MACROD2: variants seen among roughly 807,000 people sequenced by gnomAD.
MACROD2 encodes ADP-ribose glycohydrolase MACROD2.
In MACROD2, 36 loss-of-function variants were observed where a neutral mutation model predicts 70.4. The ratio of observed to expected loss-of-function variants is 0.51; its 90% CI spans 0.39 to 0.68. The LOEUF (loss-of-function observed/expected upper bound fraction) is 0.68, where lower values mean the gene tolerates loss of function less well. Among genes scored for constraint, MACROD2 ranks in the 30% least tolerant of loss-of-function variants. MACROD2 has a pLI of 0.00. For synonymous variants in MACROD2, 172 were observed against 178.8 expected (o/e 0.96, Z 0.30); for missense variants, 496 against 538.4 (o/e 0.92, Z 0.78).
chr20:14,975,395 G>T (rs1199457060), intron 5 of MACROD2, among the ~76,000 whole-genome samples: 2 of 152,112 alleles, frequency 1.3e-5, no homozygotes, highest in African/African-American at 2.4e-5. Flanking sequence ...GAAAGGAGTA[G>T]ATCAGACGGC....
intron 5 of MACROD2, among the ~76,000 whole-genome samples, chr20:14,747,571 G>A (rs2071815455): frequency 6.6e-6 from 1 of 152,106 alleles, no homozygotes; most frequent in Non-Finnish European, 1.5e-5. Flanking sequence ...GCTTGGTAAA[G>A]AGCAGGCATT....
intron 2 of MACROD2, among the ~76,000 whole-genome samples, chr20:14,042,777 C>T (rs773840777): frequency 3.3e-5 from 5 of 152,000 alleles, no homozygotes; most frequent in Non-Finnish European, 1.5e-5. Flanking sequence ...TGAGATTATA[C>T]GTGTGCGCCA....
intron 6 of MACROD2, among the ~76,000 whole-genome samples, chr20:15,248,930 G>A (rs1441802613): frequency 6.6e-6 from 1 of 152,150 alleles, no homozygotes; most frequent in African/African-American, 2.4e-5. Context: ...AATTTATTGG[G>A]TAGTTCATTT....
intron 8 of MACROD2, among the ~76,000 whole-genome samples, chr20:15,713,341 C>T (rs1236806272): frequency 1.3e-5 from 2 of 152,202 alleles, no homozygotes; most frequent in Non-Finnish European, 2.9e-5. Flanking sequence ...TAGTTCTGGG[C>T]TTCAGCTCTG....
intron 3 of MACROD2, among the ~76,000 whole-genome samples, chr20:14,403,914 A>C (rs960801882): frequency 1.1e-4 from 17 of 152,142 alleles, no homozygotes; most frequent in African/African-American, 4.1e-4. Context: ...CTATTGGAAA[A>C]ATCAGATATA....
intron 2 of MACROD2, chr20:14,003,807 A>G (rs1279490183): frequency 1.1e-5 from 4 of 373,944 alleles, no homozygotes; most frequent in Admixed American, 6.8e-5. Flanking sequence ...TGGTTAAGAC[A>G]TCATTGAAAG....
intron 15 of MACROD2, among the ~76,000 whole-genome samples, chr20:16,022,811 A>G (rs889255663): frequency 2.0e-5 from 3 of 152,220 alleles, no homozygotes; most frequent in Non-Finnish European, 4.4e-5. Context: ...GAGCTATATT[A>G]TAAGACCTGA....
chr20:15,045,700 A>C (rs531957025), intron 5 of MACROD2, among the ~76,000 whole-genome samples: 1 of 142,574 alleles, frequency 7.0e-6, no homozygotes, highest in East Asian at 2.0e-4. Context: ...TTTCTCTGAT[A>C]ATTTCTCTCC....
At chr20:14,764,549 G>A (rs981501033) in intron 5 of MACROD2, among the ~76,000 whole-genome samples, 1 of 151,994 alleles carries the variant, frequency 6.6e-6, no homozygotes, top group Non-Finnish European at 1.5e-5. Flanking sequence ...ACAGATTGTG[G>A]CCCGTAAACT....
At chr20:14,897,141 T>A (rs971151981) in intron 5 of MACROD2, among the ~76,000 whole-genome samples, 4 of 152,038 alleles carry the variant, frequency 2.6e-5, no homozygotes, top group Admixed American at 2.6e-4. Flanking sequence ...GTACGAAAAA[T>A]GATTATAAGA....
At chr20:15,052,632 T>A (rs1243896489) in intron 5 of MACROD2, among the ~76,000 whole-genome samples, 1 of 152,204 alleles carries the variant, frequency 6.6e-6, no homozygotes, top group African/African-American at 2.4e-5. Context: ...GTCATTCCCC[T>A]GTCTGTCTCC....
At chr20:15,747,387 G>A (rs2051199875) in intron 8 of MACROD2, among the ~76,000 whole-genome samples, 1 of 152,074 alleles carries the variant, frequency 6.6e-6, no homozygotes. Context: ...GTAAACGTTT[G>A]GTAATCACCT....
chr20:14,583,244 A>T (rs1477365696), intron 4 of MACROD2, among the ~76,000 whole-genome samples: 1 of 152,108 alleles, frequency 6.6e-6, no homozygotes, highest in Non-Finnish European at 1.5e-5. Flanking sequence ...GCCTTCTTTT[A>T]TGTTGCTGGA....
chr20:14,265,707 GT>G (rs1353592301), intron 3 of MACROD2, among the ~76,000 whole-genome samples: 1 of 149,122 alleles, frequency 6.7e-6, no homozygotes, highest in African/African-American at 2.5e-5. Context: ...AAAAACGCTT[GT>G]TTTCTTTGTG....
intron 5 of MACROD2, among the ~76,000 whole-genome samples, chr20:14,714,455 C>T (rs2071374298): frequency 6.6e-6 from 1 of 152,148 alleles, no homozygotes. Context: ...ATTGTCACCT[C>T]CTGCAAAAGA....
intron 5 of MACROD2, among the ~76,000 whole-genome samples, chr20:14,855,602 T>TG (rs2073245799): frequency 3.4e-5 from 2 of 59,128 alleles, no homozygotes; most frequent in African/African-American, 1.1e-4. Context: ...ACCAAGTTTT[T>TG]TTTTTTTTTT....
At chr20:15,799,318 T>C (rs2147068931) in intron 8 of MACROD2, among the ~76,000 whole-genome samples, 1 of 152,342 alleles carries the variant, frequency 6.6e-6, no homozygotes, top group South Asian at 2.1e-4. Flanking sequence ...CTTCTAGCTA[T>C]TTTTAATTAG....
intron 6 of MACROD2, among the ~76,000 whole-genome samples, chr20:15,339,336 G>A (rs1174359128): frequency 6.6e-6 from 1 of 151,760 alleles, no homozygotes; most frequent in Non-Finnish European, 1.5e-5. Flanking sequence ...ATTGACAGGT[G>A]GATTGCCACT....
chr20:13,998,982 G>A (rs1485311819), intron 1 of MACROD2, among the ~76,000 whole-genome samples: 1 of 151,096 alleles, frequency 6.6e-6, no homozygotes, highest in African/African-American at 2.4e-5. Flanking sequence ...AATTCACAGA[G>A]AAAATAAATG....
Sources: gnomAD v4.1 joint callset for allele counts (sites outside exome capture counted in the v4.1 genomes callset) on GRCh38, gnomAD v4.1.1 for gene constraint, MANE v1.5 for transcripts, NCBI Gene and HGNC (gene_info 2026-07-23, HGNC 2026-07-21) for gene names.